The following GIT2 variants were observed in gnomAD, a reference collection of about 807,000 sequenced individuals.
The protein encoded by GIT2 is ARF GTPase-activating protein GIT2.
A neutral mutation model predicts 100.3 loss-of-function variants in GIT2; 32 were observed. The observed-to-expected ratio is 0.32, with a 90% confidence interval of 0.24 to 0.43. The LOEUF is 0.43. Ranked by LOEUF, GIT2 falls within the 20% of genes least tolerant of loss-of-function variation. GIT2 has a pLI of 1.00. For missense variants in GIT2, 737 were observed against 975.1 expected, an observed-to-expected ratio of 0.76 and a Z score of 3.25; for synonymous variants, 353 against 364.1, an observed-to-expected ratio of 0.97 and a Z score of 0.35.
chr12:109,987,731 G>C (rs905036590), intron 4 of GIT2, among the ~76,000 whole-genome samples: 14 of 152,142 alleles, frequency 9.2e-5, no homozygotes, highest in Admixed American at 2.6e-4. Flanking sequence ...GTCTCCCAAA[G>C]TGCTGGGATT....
upstream of GIT2, chr12:109,999,790 G>A: frequency 6.5e-7 from 1 of 1,530,126 alleles, no homozygotes; most frequent in Non-Finnish European, 8.8e-7. The surrounding 1 kb of genome is among the most constrained non-coding windows in gnomAD (Gnocchi z 4.3). Context: ...GCCAGGTGAG[G>A]GGCGGGGCGG....
At chr12:109,941,560 T>C (rs1874702348) in intron 16 of GIT2, among the ~76,000 whole-genome samples, 1 of 152,040 alleles carries the variant, frequency 6.6e-6, no homozygotes, top group Admixed American at 6.6e-5. Context: ...GTTTCACTCT[T>C]GTTGCCTGTG....
chr12:109,952,244 G>A (rs1227183648), intron 13 of GIT2, among the ~76,000 whole-genome samples: 5 of 152,152 alleles, frequency 3.3e-5, no homozygotes, highest in Non-Finnish European at 5.9e-5. Context: ...ATTCTCAAAT[G>A]ATTGCCAAGC....
In GIT2 at chr12:109,945,318, GA is replaced by G; in HGVS notation, c.1672del (p.Ser558HisfsTer101). The G allele has an allele frequency of 6.3e-7, 1 of 1,582,956 alleles. No individual in the cohort carries two copies. The highest frequency in any genetic ancestry group is 2.2e-5 in the East Asian group (1 of 44,720). On this transcript the variant is annotated frameshift_variant, in exon 16 of 20. Transcript: ENST00000355312. LOFTEE classifies it high-confidence loss of function. ...IGRSALVTSS[S>X]SLPSFPSTLS... Reference sequence around the variant, plus strand: ...TGTGGAGGGGAAGGAAGGCAGAGATGAAGAGGAGGTCACAAGTGCACTCCTC... The same window carrying G: ...TGTGGAGGGGAAGGAAGGCAGAGATGAGAGGAGGTCACAAGTGCACTCCTC...
At chr12:109,973,163 T>C (rs912761587) in intron 7 of GIT2, among the ~76,000 whole-genome samples, 3 of 152,032 alleles carry the variant, frequency 2.0e-5, no homozygotes, top group African/African-American at 7.2e-5. Flanking sequence ...TTATTAGAGA[T>C]GGAGTCTGAC....
At position 109,961,380 on chromosome 12, in the gene GIT2, T is replaced by C. The variant is rs200730218; in HGVS notation, c.890-5A>G. 2.5e-6 allele frequency: 4 copies of C among 1,588,334 alleles called. No individual in the cohort carries two copies. The Admixed American group carries it at 5.0e-5, about 20-fold the overall frequency. ...GGTTTTGCGTGGCAAGCCAGACTAG[T>C]CAGAGGAAAGAGCCAGAGACAAACC... On this transcript the variant is annotated splice_region_variant and splice_polypyrimidine_tract_variant and intron_variant, in intron 10 of 19. Transcript: ENST00000355312.
At position 109,965,572 on chromosome 12, in the gene GIT2, A is replaced by T. The variant is rs1882124646; in HGVS notation, c.770T>A (p.Leu257Gln). The change falls in exon 9 of 20, where the codon CTG becomes CAG. Residue 257 changes from leucine to glutamine, a missense_variant. Leu to Gln is a moderately radical substitution (Grantham distance 113). Around this residue, in one of 3 missense-constraint regions of GIT2, gnomAD observed 266 missense variants for 376.2 expected, o/e 0.71. Coordinates refer to ENST00000355312, the MANE Select transcript of GIT2 (RefSeq NM_057169.5). ...AGCTTTTGCCAATTCAGACAAATCC[A>T]GGCTGCTAAGAAAACATACAAAGCT... is the stretch of plus-strand genomic sequence containing the variant. ...FIIPQMADSS[L>Q]DLSELAKAAK... The T allele has an allele frequency of 6.3e-7, 1 of 1,589,176 alleles. No individual in the cohort carries two copies.
intron 12 of GIT2, among the ~76,000 whole-genome samples, chr12:109,958,253 T>C (rs188605153): frequency 0.013 from 1,935 of 151,314 alleles, 35 homozygotes; most frequent in Middle Eastern, 0.041. Context: ...CCCCAATTTT[T>C]TTTTTTGAGA....
upstream of GIT2, chr12:109,999,720 AC>A (rs1889843637): frequency 1.3e-6 from 2 of 1,530,802 alleles, no homozygotes; most frequent in African/African-American, 2.8e-5. The surrounding 1 kb of genome is among the most constrained non-coding windows in gnomAD (Gnocchi z 4.3). Flanking sequence ...GGCGACCACT[AC>A]CCCCTGCACC....
intron 4 of GIT2, among the ~76,000 whole-genome samples, chr12:109,985,855 A>T (rs993711460): frequency 4.7e-4 from 63 of 133,134 alleles, no homozygotes; most frequent in African/African-American, 2.2e-3. Flanking sequence ...TCTAAAAAAA[A>T]CAAAAACAAA....
At position 109,983,378 on chromosome 12, in the gene GIT2, A is replaced by G. The variant is rs1478888583; in HGVS notation, c.618T>C (p.Tyr206=). The change falls in exon 6 of 20, where the codon TAT becomes TAC. Residue 206 remains tyrosine, a synonymous_variant. Coordinates refer to ENST00000355312, the MANE Select transcript of GIT2 (RefSeq NM_057169.5). ...QDSSGKTPVD[Y]ARQGGHHELA... Reference sequence around the variant, plus strand: ...CGAGAATCTAGGTCTCTTACCTTGCATAATCAACGGGAGTTTTCCCACTAG... The same window carrying G: ...CGAGAATCTAGGTCTCTTACCTTGCGTAATCAACGGGAGTTTTCCCACTAG... The G allele has an allele frequency of 6.2e-7, 1 of 1,613,156 alleles. No individual in the cohort carries two copies. The highest frequency in any genetic ancestry group is 1.3e-5 in the African/African-American group (1 of 74,916).
chr12:109,996,285 G>C lies in GIT2; in HGVS notation c.-61C>G. On this transcript the variant is annotated 5_prime_UTR_variant, in exon 1 of 20. Coordinates refer to ENST00000355312, the MANE Select transcript of GIT2 (RefSeq NM_057169.5). ...GGGGGACAGCAAAGGCGGCGGTGGC[G>C]GCGGCGCTTCCGCTCTAACGGGTCC... 1 of 1,241,294 alleles carries C rather than the reference G, an allele frequency of 8.1e-7. No homozygotes were observed. The highest frequency in any genetic ancestry group is 1.1e-6 in the Non-Finnish European group (1 of 885,770). 76.9% of individuals were successfully genotyped at this position (1,241,294 alleles called of 1,614,324 possible).
At chr12:109,977,820 T>TCAAA (rs35204857) in intron 7 of GIT2, among the ~76,000 whole-genome samples, 109,575 of 151,042 alleles carry the variant, frequency 0.73, 41,080 homozygotes, top group African/African-American at 0.89. Context: ...ATACTCCATC[T>TCAAA]CAAACAAACA....
At chr12:109,977,112 A>G (rs566286509) in intron 7 of GIT2, among the ~76,000 whole-genome samples, 11 of 152,060 alleles carry the variant, frequency 7.2e-5, no homozygotes, top group African/African-American at 2.4e-4. Flanking sequence ...GAATGTCCTT[A>G]TTTTGCCTTC....
At position 109,976,058 on chromosome 12, in the gene GIT2, G is replaced by A. The variant is rs76089945; in HGVS notation, c.718+4894C>T. Among the ~76,000 whole-genome samples the A allele has an allele frequency of 4.9e-3, 733 of 149,980 alleles. 7 individuals carry two copies. Among genetic ancestry groups the A allele is most frequent in the African/African-American group, 0.017 (685 of 40,708 alleles). ...GTGCTGGGATTACAGGCACTACACC[G>A]TGCCTGGCTTGTAGTCTTCTTTCAG... On this transcript the variant is annotated intron_variant, in intron 7 of 19. Transcript: ENST00000355312.
At chr12:109,961,507 C>T (rs1386753600) in intron 10 of GIT2, 106 bp downstream of exon 10, 10 of 934,312 alleles carry the variant, frequency 1.1e-5, no homozygotes, top group Non-Finnish European at 1.4e-5. Flanking sequence ...CGTCGACACT[C>T]GCACCATCAG....
chr12:109,943,109 G>C (rs1428702538), intron 16 of GIT2: 2 of 152,180 alleles, frequency 1.3e-5, no homozygotes, highest in Non-Finnish European at 2.9e-5. Context: ...CAATCAGGGT[G>C]ATCAGTTTAA....
At chr12:109,985,186 C>T (rs1419204273) in intron 4 of GIT2, among the ~76,000 whole-genome samples, 9 of 151,792 alleles carry the variant, frequency 5.9e-5, no homozygotes, top group African/African-American at 2.2e-4. Flanking sequence ...CCAGGCAGGA[C>T]TGAACTCCTT....
At chr12:109,937,998 C>T (rs1873517892) in intron 18 of GIT2, among the ~76,000 whole-genome samples, 1 of 152,096 alleles carries the variant, frequency 6.6e-6, no homozygotes, top group African/African-American at 2.4e-5. Context: ...CCACTGTGCC[C>T]AGCCCAGGAT....
Sources: gnomAD v4.1 joint callset for allele counts (sites outside exome capture counted in the v4.1 genomes callset) on GRCh38, gnomAD v4.1.1 for gene constraint, gnomAD v4.1.1 regional missense constraint, Gnocchi (gnomAD v3.1) non-coding constraint, MANE v1.5 for transcripts, NCBI Gene and HGNC (gene_info 2026-07-23, HGNC 2026-07-21) for gene names.